The following ZAR1L variants were observed in gnomAD, a reference collection of about 807,000 sequenced individuals.
ZAR1L encodes protein ZAR1-like.
A neutral mutation model predicts 30.0 loss-of-function variants in ZAR1L; 16 were observed. The ratio of observed to expected loss-of-function variants is 0.53; its 90% confidence interval spans 0.36 to 0.81. The LOEUF (loss-of-function observed/expected upper bound fraction) is 0.81. Among genes scored for constraint, ZAR1L ranks in the 30% least tolerant of loss-of-function variants. The pLI, the probability that ZAR1L is intolerant of heterozygous loss-of-function variation, is 0.00. For synonymous variants in ZAR1L, 197 were observed against 166.8 expected (o/e 1.18, Z -1.40); for missense variants, 392 against 417.2 (o/e 0.94, Z 0.53).
In ZAR1L at chr13:32,311,676, A is replaced by G; in HGVS notation, c.250T>C (p.Cys84Arg). 6.4e-7 allele frequency: 1 copy of G among 1,551,500 alleles called. No homozygotes were observed. The highest frequency in any genetic ancestry group is 8.7e-7 in the Non-Finnish European group (1 of 1,146,992). ...QMNPSLSPRL[C>R]KPNTKEVGVQ... is the part of the protein sequence containing the mutation. ...CCCACCTCCTTGGTGTTGGGCTTGC[A>G]CAGCCGCGGGCTCAGGCTGGGGTTC... Residue 84 changes from cysteine (C) to arginine (R), a missense_variant, in exon 3 of 6, where the codon TGC becomes CGC. By Grantham distance (180) the Cys-to-Arg change is radical. Coordinates refer to ENST00000533490, the MANE Select transcript of ZAR1L (RefSeq NM_001136571.2).
chr13:32,306,930 C>CAAAAAAAAAAAAAAAAA (rs369500221), intron 5 of ZAR1L, among the ~76,000 whole-genome samples: 1 of 59,088 alleles, frequency 1.7e-5, no homozygotes, highest in Non-Finnish European at 2.8e-5. Flanking sequence ...GACTCTATCT[C>CAAAAAAAAAAAAAAAAA]AAAAAAAAAA....
chr13:32,307,859 G>A (rs2138686584), intron 5 of ZAR1L, among the ~76,000 whole-genome samples: 1 of 152,202 alleles, frequency 6.6e-6, no homozygotes, highest in South Asian at 2.1e-4. Flanking sequence ...CTGGAGTGCA[G>A]TGGTGCCATC....
Position 32,311,992 on chromosome 13 carries a change from C to A in ZAR1L, c.-67G>T. ...TTTGTTTGGGTCCTTATTTTGCCTT[C>A]CTCCTTCATCCGCCCCTTCTTTCTC... is the stretch of plus-strand genomic sequence containing the variant. On this transcript the variant is annotated 5_prime_UTR_variant, in exon 3 of 6. It introduces an in-frame stop codon into an upstream open reading frame of the 5' UTR. Coordinates refer to ENST00000533490, the MANE Select transcript of ZAR1L (RefSeq NM_001136571.2). 1 of 1,440,280 alleles carries A rather than the reference C, an allele frequency of 6.9e-7. No individual in the cohort carries two copies. The highest frequency in any genetic ancestry group is 9.2e-7 in the Non-Finnish European group (1 of 1,085,382). 89.2% of individuals were successfully genotyped at this position (1,440,280 alleles called of 1,614,324 possible). A position where few individuals can be genotyped will look rare whatever the true frequency, so the allele number is the denominator to read the frequency against.
chr13:32,314,914 C>G (rs909213266), intron 1 of ZAR1L, among the ~76,000 whole-genome samples: 3 of 151,926 alleles, frequency 2.0e-5, no homozygotes. Flanking sequence ...ACTTCATGAG[C>G]GAGTTAAGAT....
At chr13:32,308,034 C>G (rs373324238) in intron 5 of ZAR1L, among the ~76,000 whole-genome samples, 4 of 152,174 alleles carry the variant, frequency 2.6e-5, no homozygotes, top group Non-Finnish European at 5.9e-5. Flanking sequence ...AACTCCTGAC[C>G]TTGTGATCCA....
chr13:32,306,511 C>A (rs1287684658), intron 5 of ZAR1L, among the ~76,000 whole-genome samples: 1 of 152,130 alleles, frequency 6.6e-6, no homozygotes, highest in Non-Finnish European at 1.5e-5. Context: ...GAAGAGATTA[C>A]TTCAAAAGAG....
Position 32,310,633 on chromosome 13 carries a change from A to G in ZAR1L, c.747+6T>C, listed in dbSNP as rs1243746698. On this transcript the variant is annotated splice_donor_region_variant and intron_variant, in intron 4 of 5. Transcript: ENST00000533490. ...CCTCCTCTCACCTCCTACTCTTTTT[A>G]TTTACCTTGTTCGTTCCAGAAATGC... 1 of 1,542,748 alleles carries G rather than the reference A, an allele frequency of 6.5e-7. No individual in the cohort carries two copies. The highest frequency in any genetic ancestry group is 2.0e-5 in the Admixed American group (1 of 50,840).
chr13:32,310,645 C>T lies in ZAR1L; in HGVS notation c.741G>A (p.Thr247=), dbSNP rs267603802. ...TCCTACTCTTTTTATTTACCTTGTT[C>T]GTTCCAGAAATGCACCACACGTAAG... is the stretch of plus-strand genomic sequence containing the variant. The part of the protein sequence containing the change: ...ESAYVWCISG[T]NKVYFKQLCC... The change falls in exon 4 of 6, where the codon ACG becomes ACA. Residue 247 remains threonine (T), a synonymous_variant. Coordinates refer to ENST00000533490, the MANE Select transcript of ZAR1L (RefSeq NM_001136571.2). 5 of 1,548,978 alleles carry T rather than the reference C, an allele frequency of 3.2e-6. No individual in the cohort carries two copies. Among genetic ancestry groups the T allele is most frequent in the South Asian group, 1.2e-5 (1 of 83,994 alleles).
At chr13:32,314,106 G>C (rs1294356365) in intron 2 of ZAR1L, among the ~76,000 whole-genome samples, 1 of 152,184 alleles carries the variant, frequency 6.6e-6, no homozygotes, top group Non-Finnish European at 1.5e-5. Flanking sequence ...ATTACTGTAA[G>C]ATTAAACATG....
At chr13:32,306,758 C>A (rs1274273686) in intron 5 of ZAR1L, among the ~76,000 whole-genome samples, 2 of 151,946 alleles carry the variant, frequency 1.3e-5, no homozygotes, top group East Asian at 3.9e-4. Flanking sequence ...TGGAGAAACC[C>A]TGTCTATACT....
At chr13:32,310,013 C>T (rs1393938239) in intron 4 of ZAR1L, among the ~76,000 whole-genome samples, 1 of 152,192 alleles carries the variant, frequency 6.6e-6, no homozygotes, top group African/African-American at 2.4e-5. Context: ...TTAATAACAT[C>T]GGGCCACGTA....
Position 32,311,436 on chromosome 13 carries a change from T to C in ZAR1L, c.490A>G (p.Ser164Gly), listed in dbSNP as rs2072211749. 3.9e-6 allele frequency: 6 copies of C among 1,548,652 alleles called. No individual in the cohort carries two copies. In the East Asian group the frequency reaches 1.5e-4, roughly 38 times the overall value. ...CTCCGTGATGGTGGCTGCGGCTGGC[T>C]GGCCTCCGCAGGGCCCGGGAGCGCC... is the stretch of plus-strand genomic sequence containing the variant. ...SKALPGPAEA[S>G]QPQPPSRRSG... The change falls in exon 3 of 6, where the codon AGC becomes GGC. Residue 164 changes from serine (S) to glycine (G), a missense_variant. Physicochemically the swap from Ser to Gly is moderately conservative, Grantham distance 56 (BLOSUM62 0). Coordinates refer to ENST00000533490, the MANE Select transcript of ZAR1L (RefSeq NM_001136571.2).
intron 2 of ZAR1L, 144 bp downstream of exon 2, chr13:32,314,186 T>C (rs1420859759): frequency 6.6e-6 from 1 of 151,128 alleles, no homozygotes; most frequent in African/African-American, 2.4e-5. Flanking sequence ...CTGTTATTAG[T>C]AAGGATCACA....
intron 2 of ZAR1L, 148 bp downstream of exon 2, chr13:32,314,182 T>C (rs970596001): frequency 1.3e-5 from 2 of 151,710 alleles, no homozygotes; most frequent in Non-Finnish European, 2.9e-5. Flanking sequence ...GCAGCTGTTA[T>C]TAGTAAGGAT....
rs1418374023 is a variant in ZAR1L at position 32,311,981 on chromosome 13, T to G, written c.-56A>C. The stretch of plus-strand genomic sequence containing the variant: ...ATCCTAGCCAGTTTGTTTGGGTCCT[T>G]ATTTTGCCTTCCTCCTTCATCCGCC... On this transcript the variant is annotated 5_prime_UTR_variant, in exon 3 of 6. Coordinates refer to ENST00000533490, the MANE Select transcript of ZAR1L (RefSeq NM_001136571.2). The G allele has an allele frequency of 1.4e-6, 2 of 1,467,110 alleles. No individual in the cohort carries two copies. The highest frequency in any genetic ancestry group is 5.0e-5 in the East Asian group (2 of 40,186). The allele number at this position is 1,467,110 out of a possible 1,614,324, so 90.9% of individuals were successfully genotyped here. A position where few individuals can be genotyped will look rare whatever the true frequency, so the allele number is the denominator to read the frequency against.
At chr13:32,307,044 AG>A in intron 5 of ZAR1L, among the ~76,000 whole-genome samples, 1 of 152,232 alleles carries the variant, frequency 6.6e-6, no homozygotes, top group South Asian at 2.1e-4. Flanking sequence ...CCTAGAAACA[AG>A]AAGATACAAA....
intron 2 of ZAR1L, among the ~76,000 whole-genome samples, chr13:32,313,884 G>A (rs9534160): frequency 0.11 from 16,226 of 152,050 alleles, 1,375 homozygotes; most frequent in African/African-American, 0.23. Context: ...GACATGCCAC[G>A]GGTTCTCATT....
intron 5 of ZAR1L, among the ~76,000 whole-genome samples, chr13:32,308,001 C>T (rs1414150805): frequency 6.6e-6 from 1 of 152,138 alleles, no homozygotes; most frequent in Non-Finnish European, 1.5e-5. Flanking sequence ...CGGGGTTTCA[C>T]TATATTGGCC....
chr13:32,304,112 C>A (rs2072157725), intron 5 of ZAR1L, 90 bp from the exon 6 acceptor site: 5 of 1,364,938 alleles, frequency 3.7e-6, no homozygotes, highest in Non-Finnish European at 4.9e-6. Context: ...TCCCTATTAC[C>A]CTATCCCTGA....
Sources: gnomAD v4.1 joint callset for allele counts (sites outside exome capture counted in the v4.1 genomes callset) on GRCh38, gnomAD v4.1.1 for gene constraint, MANE v1.5 for transcripts, NCBI Gene and HGNC (gene_info 2026-07-23, HGNC 2026-07-21) for gene names.